The following PTPRN2 variants were observed in gnomAD, a reference collection of about 807,000 sequenced individuals.
The protein encoded by PTPRN2 is receptor-type tyrosine-protein phosphatase N2.
Under a neutral mutation model 118.8 loss-of-function variants are expected in PTPRN2, and 74 were observed. The ratio of observed to expected loss-of-function variants is 0.62; its 90% CI spans 0.52 to 0.76. The LOEUF (loss-of-function observed/expected upper bound fraction) is 0.76, where lower values mean the gene tolerates loss of function less well. PTPRN2 is among the 30% of genes least tolerant of loss of function. The probability of loss-of-function intolerance (pLI) is 0.00; values close to 1 mark genes in which losing one functional copy is unlikely to be tolerated. For synonymous variants in PTPRN2, 641 were observed against 608.0 expected (o/e 1.05, Z -0.80); for missense variants, 1,481 against 1,394.4 (o/e 1.06, Z -0.99).
intron 10 of PTPRN2, among the ~76,000 whole-genome samples, chr7:158,096,632 G>A (rs1321894495): frequency 2.6e-5 from 4 of 152,126 alleles, no homozygotes; most frequent in East Asian, 1.9e-4. Context: ...TCACTGTCTC[G>A]AGACACTAGC....
rs151278167 is a variant in PTPRN2, at chr7:157,730,522, G to A, written c.1789-47585C>T. 3.3e-3 allele frequency among the ~76,000 whole-genome samples: 505 copies of A among 152,286 alleles called. 2 individuals are homozygous for A. The highest frequency in any genetic ancestry group is 0.012 in the African/African-American group (481 of 41,550). ...GTGACAGCGGTTGCCCTCCTGTATG[G>A]CACAACTGAAAATAAAGGCTGGGCC... On this transcript the variant is annotated intron_variant, in intron 12 of 22. Coordinates refer to ENST00000389418, the MANE Select transcript of PTPRN2 (RefSeq NM_002847.5).
At chr7:158,331,815 C>T (rs1362231638) in intron 2 of PTPRN2, among the ~76,000 whole-genome samples, 8 of 149,878 alleles carry the variant, frequency 5.3e-5, no homozygotes, top group African/African-American at 1.5e-4. Context: ...ACACTGTCAC[C>T]CTAAGAGGTG....
At chr7:157,694,375 G>A (rs531724747) in intron 12 of PTPRN2, among the ~76,000 whole-genome samples, 1 of 152,150 alleles carries the variant, frequency 6.6e-6, no homozygotes, top group Non-Finnish European at 1.5e-5. Flanking sequence ...GGTGGCAGAC[G>A]GTTATTTATG....
intron 2 of PTPRN2, among the ~76,000 whole-genome samples, chr7:158,470,202 G>A (rs1384982300): frequency 6.6e-6 from 1 of 152,122 alleles, no homozygotes; most frequent in Non-Finnish European, 1.5e-5. Flanking sequence ...TCAACAACTG[G>A]GGAAAAAAAC....
intron 2 of PTPRN2, among the ~76,000 whole-genome samples, chr7:158,322,362 C>T (rs1344991906): frequency 8.5e-5 from 13 of 152,222 alleles, no homozygotes; most frequent in East Asian, 1.9e-4. Context: ...GGCACGAGAG[C>T]ACCTGACAGA....
intron 11 of PTPRN2, among the ~76,000 whole-genome samples, chr7:157,954,308 C>T (rs111065202): frequency 1.2e-4 from 8 of 66,334 alleles, no homozygotes; most frequent in Admixed American, 2.2e-4. Flanking sequence ...GGGTGGTACC[C>T]GTGTACTGTG....
At chr7:158,339,388 T>C (rs1290187103) in intron 2 of PTPRN2, among the ~76,000 whole-genome samples, 3 of 6,756 alleles carry the variant, frequency 4.4e-4, no homozygotes, top group East Asian at 1.9e-3. Context: ...TAAGAGCTGA[T>C]GCCTGCAGAC....
rs1816765963 is a variant in PTPRN2 at position 158,116,818 on chromosome 7, G to A, written c.1557-5903C>T. 2.0e-5 allele frequency among the ~76,000 whole-genome samples: 3 copies of A among 152,150 alleles called. No homozygotes were observed. In the South Asian group the frequency reaches 6.2e-4, roughly 32 times the overall value. ...ATTCAAAAGTAACTGAATATACAGG[G>A]AAAATTAGAAAGTCACCACACATGC... On this transcript the variant is annotated intron_variant, in intron 9 of 22. Coordinates refer to ENST00000389418, the MANE Select transcript of PTPRN2 (RefSeq NM_002847.5).
chr7:157,717,602 T>C (rs6459805), intron 12 of PTPRN2, among the ~76,000 whole-genome samples: 66,460 of 152,156 alleles, frequency 0.44, 14,934 homozygotes, highest in African/African-American at 0.52. Context: ...ATCGCTCCCT[T>C]GCGTCTCCTC....
At chr7:157,692,858 G>T (rs1003720512) in intron 12 of PTPRN2, among the ~76,000 whole-genome samples, 1 of 152,114 alleles carries the variant, frequency 6.6e-6, no homozygotes, top group African/African-American at 2.4e-5. Flanking sequence ...GCTCGGGGGC[G>T]GCGCGGCGGC....
intron 11 of PTPRN2, among the ~76,000 whole-genome samples, chr7:157,980,434 G>A (rs1426906556): frequency 6.6e-6 from 1 of 152,230 alleles, no homozygotes; most frequent in Non-Finnish European, 1.5e-5. Flanking sequence ...CTAGGACTGA[G>A]CAGCCATAAG....
rs1016477762 is a variant in PTPRN2 at position 158,574,972 on chromosome 7, A to G, written c.112+12586T>C. Among the ~76,000 whole-genome samples the G allele has an allele frequency of 6.6e-6, 1 of 152,262 alleles. No homozygotes were observed. The highest frequency in any genetic ancestry group is 1.5e-5 in the Non-Finnish European group (1 of 68,046). ...CTCACCCTCTTCTCCTTCAGGCTGCAAATTAAAACAGACTTCCATCCTTTC... is the reference window on the plus strand; with the variant it reads ...CTCACCCTCTTCTCCTTCAGGCTGCGAATTAAAACAGACTTCCATCCTTTC... On this transcript the variant is annotated intron_variant, in intron 1 of 22. Transcript: ENST00000389418. This position sits in a 1 kb window ranked among gnomAD's most constrained non-coding sequence, Gnocchi z 4.6.
At position 157,995,873 on chromosome 7, in the gene PTPRN2, G is replaced by A. The variant is rs768476148; in HGVS notation, c.1723+85425C>T. Among the ~76,000 whole-genome samples, 9 of 152,362 alleles carry A rather than the reference G, an allele frequency of 5.9e-5. No individual in the cohort carries two copies. The East Asian group carries it at 9.6e-4, about 16-fold the overall frequency. On this transcript the variant is annotated intron_variant, in intron 11 of 22. Transcript: ENST00000389418. Reference sequence around the variant, plus strand: ...AACGATAGCAAAACATGAAATCGACGTAAGTGTCCATCAGTGGATGAATGG... The same window carrying A: ...AACGATAGCAAAACATGAAATCGACATAAGTGTCCATCAGTGGATGAATGG...
chr7:157,746,987 C>T (rs2952646), intron 12 of PTPRN2, among the ~76,000 whole-genome samples: 2,801 of 76,002 alleles, frequency 0.037, 170 homozygotes, highest in East Asian at 0.086. Context: ...GCTGTTGAGG[C>T]GATTCTGAGG....
chr7:158,559,036 G>A (rs921084273), intron 1 of PTPRN2, among the ~76,000 whole-genome samples: 1 of 152,188 alleles, frequency 6.6e-6, no homozygotes, highest in Non-Finnish European at 1.5e-5. Flanking sequence ...CTCAAACCCA[G>A]ACCCAGTGAG....
chr7:158,050,067 A>G (rs1014241152), intron 11 of PTPRN2, among the ~76,000 whole-genome samples: 8 of 152,252 alleles, frequency 5.3e-5, no homozygotes, highest in Non-Finnish European at 1.2e-4. Context: ...GAAATAAAAT[A>G]CATGTAGGGT....
intron 2 of PTPRN2, among the ~76,000 whole-genome samples, chr7:158,478,319 G>T (rs544384106): frequency 1.3e-5 from 2 of 152,256 alleles, no homozygotes; most frequent in East Asian, 3.9e-4. Flanking sequence ...ACAGACACTC[G>T]GAAAACTGCA....
At chr7:157,890,460 T>C (rs1796734768) in intron 12 of PTPRN2, among the ~76,000 whole-genome samples, 3 of 152,080 alleles carry the variant, frequency 2.0e-5, no homozygotes, top group African/African-American at 7.2e-5. Flanking sequence ...GCTAACACGG[T>C]GAAACCCCGT....
intron 2 of PTPRN2, among the ~76,000 whole-genome samples, chr7:158,416,247 G>C (rs949425136): frequency 6.6e-6 from 1 of 152,208 alleles, no homozygotes; most frequent in Non-Finnish European, 1.5e-5. Context: ...GCCAGGCTTG[G>C]GACAACTGTG....
Sources: allele counts gnomAD v4.1 joint callset (sites outside exome capture counted in the v4.1 genomes callset), GRCh38; gene constraint gnomAD v4.1.1; non-coding constraint Gnocchi (gnomAD v3.1); transcripts MANE v1.5; gene names NCBI Gene and HGNC (gene_info 2026-07-23, HGNC 2026-07-21).